SNX29: variants seen among roughly 807,000 people sequenced by gnomAD.
SNX29 encodes the protein sorting nexin 29.
In SNX29, 78 loss-of-function variants were observed where a neutral mutation model predicts 102.1. The observed-to-expected ratio is 0.76, with a 90% CI of 0.64 to 0.92. The LOEUF is 0.92. Among genes scored for constraint, SNX29 ranks in the 40% least tolerant of loss-of-function variants. The pLI is 0.00. For missense variants in SNX29, 1,280 were observed against 1,061.7 expected (o/e 1.21, Z -2.86); for synonymous variants, 580 against 414.5 (o/e 1.40, Z -4.85).
chr16:12,519,236 C>T (rs1296141652), intron 19 of SNX29, among the ~76,000 whole-genome samples: 2 of 152,186 alleles, frequency 1.3e-5, no homozygotes, highest in East Asian at 3.8e-4. Context: ...AGTCTGTGGA[C>T]CTCCGTGAAC....
At chr16:12,529,403 C>G (rs960785860) in intron 20 of SNX29, among the ~76,000 whole-genome samples, 1 of 152,150 alleles carries the variant, frequency 6.6e-6, no homozygotes, top group Non-Finnish European at 1.5e-5. Context: ...ATGTGAGGTA[C>G]CGTTCGTGGA....
At chr16:12,453,817 C>T (rs2086411743) in intron 18 of SNX29, among the ~76,000 whole-genome samples, 1 of 152,142 alleles carries the variant, frequency 6.6e-6, no homozygotes, top group African/African-American at 2.4e-5. Context: ...CTCAATAAGA[C>T]TGTAGGCATT....
rs369860790 is a variant in SNX29, at chr16:12,468,323, C to T, written c.2038-9396C>T. ...CCGAGTACCTGGGATTATAGGCACC[C>T]GCCACCATGCCCCGCTAATTTTTGT... On this transcript the variant is annotated intron_variant, in intron 18 of 20. Transcript: ENST00000566228. 1.1e-4 allele frequency among the ~76,000 whole-genome samples: 16 copies of T among 151,848 alleles called. No individual in the cohort carries two copies. In the East Asian group the frequency reaches 1.4e-3, roughly 13 times the overall value.
At chr16:12,067,278 A>C (rs2151293215) in intron 9 of SNX29, among the ~76,000 whole-genome samples, 1 of 152,176 alleles carries the variant, frequency 6.6e-6, no homozygotes, top group South Asian at 2.1e-4. Context: ...AAAAGGTTAA[A>C]ACAATTTTTT....
At chr16:12,524,669 G>A (rs967310448) in intron 19 of SNX29, 33 bp from the exon 20 acceptor site, 2 of 1,607,628 alleles carry the variant, frequency 1.2e-6, no homozygotes. Flanking sequence ...TGAGGAAGAC[G>A]TACCAAAGCG....
chr16:12,081,859 G>C (rs200093737), intron 11 of SNX29: 1 of 94,368 alleles, frequency 1.1e-5, no homozygotes, highest in Admixed American at 1.0e-4. Context: ...AGTCAGTGTA[G>C]CTCTCCCTTG....
chr16:12,168,069 C>T (rs2076058351), intron 13 of SNX29, among the ~76,000 whole-genome samples: 1 of 152,162 alleles, frequency 6.6e-6, no homozygotes, highest in African/African-American at 2.4e-5. Context: ...CACTGGGAGA[C>T]AGTCATGAAG....
intron 15 of SNX29, among the ~76,000 whole-genome samples, chr16:12,286,719 A>G (rs542073338): frequency 3.9e-5 from 6 of 152,280 alleles, no homozygotes; most frequent in East Asian, 1.9e-4. Context: ...ATGAGCCTCT[A>G]TGTACCCATC....
At chr16:12,152,819 T>G (rs1042958939) in intron 13 of SNX29, among the ~76,000 whole-genome samples, 4 of 152,194 alleles carry the variant, frequency 2.6e-5, no homozygotes, top group African/African-American at 9.7e-5. Context: ...CTGTCTCACA[T>G]AGGTCAGCTA....
intron 20 of SNX29, among the ~76,000 whole-genome samples, chr16:12,566,185 G>A (rs1349236381): frequency 2.0e-5 from 3 of 152,170 alleles, no homozygotes; most frequent in Non-Finnish European, 4.4e-5. Context: ...GGTAGCCCTT[G>A]AATCCTTACC....
At chr16:12,244,438 G>T (rs541506865) in intron 14 of SNX29, among the ~76,000 whole-genome samples, 22 of 152,172 alleles carry the variant, frequency 1.4e-4, no homozygotes, top group African/African-American at 5.3e-4. Flanking sequence ...GAGAAACACT[G>T]TCTCTACCAA....
At chr16:12,235,409 G>A (rs79948227) in intron 14 of SNX29, among the ~76,000 whole-genome samples, 6,357 of 152,192 alleles carry the variant, frequency 0.042, 468 homozygotes, top group African/African-American at 0.15. Flanking sequence ...GGAAGCGGCA[G>A]TGATCCATTT....
chr16:12,469,374 A>G (rs1172917035), intron 18 of SNX29, among the ~76,000 whole-genome samples: 1 of 152,240 alleles, frequency 6.6e-6, no homozygotes, highest in African/African-American at 2.4e-5. Flanking sequence ...TTAAAAGGAA[A>G]GTTTTGTTAG....
intron 13 of SNX29, among the ~76,000 whole-genome samples, chr16:12,161,164 T>A (rs2055768923): frequency 6.6e-6 from 1 of 152,240 alleles, no homozygotes; most frequent in Non-Finnish European, 1.5e-5. Flanking sequence ...TTGATAATAC[T>A]ATCTCAATTC....
intron 20 of SNX29, among the ~76,000 whole-genome samples, chr16:12,563,586 G>C (rs1253616935): frequency 6.9e-6 from 1 of 144,134 alleles, no homozygotes; most frequent in Admixed American, 6.8e-5. Flanking sequence ...GGTGGCTTAG[G>C]CCTCCATGTC....
intron 1 of SNX29, 157 bp downstream of exon 1, chr16:11,976,970 C>A: frequency 2.1e-6 from 2 of 965,338 alleles, no homozygotes; most frequent in Non-Finnish European, 2.7e-6. Context: ...GGACTCCCGG[C>A]TCGTGGCCCC....
At position 12,568,580 on chromosome 16, in the gene SNX29, G is replaced by T. The variant is rs942395488; in HGVS notation, c.2393G>T (p.Gly798Val). Residue 798 changes from glycine (G) to valine (V), a missense_variant, in exon 21 of 21, where the codon GGT becomes GTT. By Grantham distance (109) the Gly-to-Val change is moderately radical. Coordinates refer to ENST00000566228, the MANE Select transcript of SNX29 (RefSeq NM_032167.5). Reference sequence around the variant, plus strand: ...TCCCGCTTCCCCAAACTGTCCCGGGGTCAGCCCCGGGAGACCCGCAACGTG... The same window carrying T: ...TCCCGCTTCCCCAAACTGTCCCGGGTTCAGCCCCGGGAGACCCGCAACGTG... The part of the protein sequence containing the change: ...AASRFPKLSR[G>V]QPRETRNVEP... 2.5e-6 allele frequency: 4 copies of T among 1,607,288 alleles called. No homozygotes were observed. Among genetic ancestry groups the T allele is most frequent in the African/African-American group, 2.7e-5 (2 of 75,030 alleles).
At chr16:12,157,720 C>T (rs3915877) in intron 13 of SNX29, among the ~76,000 whole-genome samples, 12 of 152,272 alleles carry the variant, frequency 7.9e-5, no homozygotes, top group Admixed American at 7.2e-4. Context: ...GAACTGAATT[C>T]CTGTCCCTGA....
intron 13 of SNX29, among the ~76,000 whole-genome samples, chr16:12,176,716 C>A (rs2076268621): frequency 6.6e-6 from 1 of 152,062 alleles, no homozygotes; most frequent in African/African-American, 2.4e-5. Flanking sequence ...GGTCCTGGAG[C>A]CAATACCCCA....
Sources: allele counts gnomAD v4.1 joint callset (sites outside exome capture counted in the v4.1 genomes callset), GRCh38; gene constraint gnomAD v4.1.1; transcripts MANE v1.5; gene names NCBI Gene and HGNC (gene_info 2026-07-23, HGNC 2026-07-21).